The following DIP2B variants were observed in gnomAD, a reference collection of about 807,000 sequenced individuals.
DIP2B encodes DIP2 acetate--CoA ligase B (putative).
DIP2B carries 76 observed loss-of-function variants against 198.0 expected under a neutral mutation model. The observed-to-expected ratio is 0.38, with a 90% CI of 0.32 to 0.46. The LOEUF (loss-of-function observed/expected upper bound fraction) is 0.46. DIP2B is among the 20% of genes least tolerant of loss of function. The probability of loss-of-function intolerance (pLI) is 0.99; values close to 1 mark genes in which losing one functional copy is unlikely to be tolerated. For synonymous variants in DIP2B, 701 were observed against 739.1 expected (o/e 0.95, Z 0.84); for missense variants, 1,559 against 1,978.4 (o/e 0.79, Z 4.02).
rs1194962589 is a variant in DIP2B, at chr12:50,505,010, CGGCGGCGGCGGCGGT to C, written c.-129_-115del. 1.1e-6 allele frequency: 1 copy of C among 897,842 alleles called. No individual in the cohort carries two copies. The highest frequency in any genetic ancestry group is 1.7e-6 in the Non-Finnish European group (1 of 600,238). The allele number at this position is 897,842 out of a possible 1,614,324, so 55.6% of individuals were successfully genotyped here. Reference sequence around the variant, plus strand: ...ACGTGACCTTTGCTCATGGCGGCGGCGGCGGCGGCGGCGGTGCTGGTGGTGCTCGGCGGCCGGAGC... The same window carrying C: ...ACGTGACCTTTGCTCATGGCGGCGGCGCTGGTGGTGCTCGGCGGCCGGAGC... On this transcript the variant is annotated 5_prime_UTR_variant, in exon 1 of 38. Transcript: ENST00000301180.
In DIP2B at chr12:50,602,398, A is replaced by G. The variant is rs12297393; in HGVS notation, c.101-23578A>G. ...ATCCTCCCACCTCAGCCTCCCTAGTAGCTGGGAATACAGGCACACACCACT... is the reference window on the plus strand; with the variant it reads ...ATCCTCCCACCTCAGCCTCCCTAGTGGCTGGGAATACAGGCACACACCACT... On this transcript the variant is annotated intron_variant, in intron 1 of 37. Transcript: ENST00000301180. Among the ~76,000 whole-genome samples, 276 of 152,170 alleles carry G rather than the reference A, an allele frequency of 1.8e-3. 2 individuals are homozygous for G. Among genetic ancestry groups the G allele is most frequent in the African/African-American group, 6.1e-3 (255 of 41,532 alleles).
chr12:50,647,029 G>C (rs1938361963), intron 3 of DIP2B, among the ~76,000 whole-genome samples: 1 of 131,540 alleles, frequency 7.6e-6, no homozygotes, highest in Non-Finnish European at 1.6e-5. Context: ...TTTTTCTTCT[G>C]TTTTTCTTGT....
At chr12:50,682,114 G>A (rs951475745) in intron 9 of DIP2B, among the ~76,000 whole-genome samples, 2 of 152,328 alleles carry the variant, frequency 1.3e-5, no homozygotes, top group Non-Finnish European at 2.9e-5. Flanking sequence ...CATTCCTTGA[G>A]TGAATTAGGA....
intron 1 of DIP2B, among the ~76,000 whole-genome samples, chr12:50,619,613 C>G (rs2139461348): frequency 6.6e-6 from 1 of 152,320 alleles, no homozygotes; most frequent in African/African-American, 2.4e-5. Context: ...GCCTGTGCCT[C>G]TTCTCTGCGA....
chr12:50,546,115 C>G (rs777285027), intron 1 of DIP2B, among the ~76,000 whole-genome samples: 11 of 152,220 alleles, frequency 7.2e-5, no homozygotes, highest in Non-Finnish European at 1.2e-4. Flanking sequence ...TCCCTGCCAA[C>G]CAGATGTACT....
At chr12:50,691,947 C>T (rs1369899148) in intron 13 of DIP2B, among the ~76,000 whole-genome samples, 6 of 152,032 alleles carry the variant, frequency 3.9e-5, no homozygotes, top group Non-Finnish European at 8.8e-5. Flanking sequence ...TGCTTGTACT[C>T]CCAGCTACTT....
chr12:50,590,609 C>G (rs1240066838), intron 1 of DIP2B, among the ~76,000 whole-genome samples: 1 of 152,112 alleles, frequency 6.6e-6, no homozygotes, highest in Admixed American at 6.6e-5. Context: ...ACCTTGTGAT[C>G]TACCCACCTC....
intron 6 of DIP2B, 65 bp downstream of exon 6, chr12:50,674,694 A>T: frequency 6.3e-7 from 1 of 1,590,092 alleles, no homozygotes; most frequent in Admixed American, 1.7e-5. Flanking sequence ...CAAATTATGA[A>T]TGATAGCTCC....
chr12:50,646,107 ATTGT>A (rs1339863450), intron 3 of DIP2B, among the ~76,000 whole-genome samples: 1 of 151,928 alleles, frequency 6.6e-6, no homozygotes, highest in Non-Finnish European at 1.5e-5. Context: ...GGTCTTAATT[ATTGT>A]TTATTTATTT....
chr12:50,591,196 C>G (rs902157283), intron 1 of DIP2B, among the ~76,000 whole-genome samples: 1 of 152,168 alleles, frequency 6.6e-6, no homozygotes, highest in Non-Finnish European at 1.5e-5. Context: ...ACAAAATAGG[C>G]TAAGACAGTT....
intron 36 of DIP2B, among the ~76,000 whole-genome samples, 192 bp from the exon 37 acceptor site, chr12:50,741,224 A>T (rs1940236085): frequency 6.6e-6 from 1 of 152,218 alleles, no homozygotes; most frequent in East Asian, 1.9e-4. Flanking sequence ...TCCTCACAGC[A>T]GCCATTGATT....
intron 2 of DIP2B, among the ~76,000 whole-genome samples, chr12:50,628,461 G>T (rs1019403300): frequency 1.3e-5 from 2 of 152,186 alleles, no homozygotes; most frequent in African/African-American, 4.8e-5. Context: ...GTATCACTGT[G>T]TGCAGCAATT....
intron 1 of DIP2B, among the ~76,000 whole-genome samples, chr12:50,558,400 G>A (rs1272121677): frequency 1.3e-5 from 2 of 152,178 alleles, no homozygotes; most frequent in Non-Finnish European, 2.9e-5. Flanking sequence ...CCTGCCAGGG[G>A]TAATAATTGA....
intron 13 of DIP2B, among the ~76,000 whole-genome samples, chr12:50,692,075 A>T (rs572321691): frequency 2.4e-4 from 37 of 152,108 alleles, no homozygotes; most frequent in African/African-American, 8.7e-4. Flanking sequence ...AAAAAAATAT[A>T]TATATATATA....
intron 1 of DIP2B, among the ~76,000 whole-genome samples, chr12:50,563,615 C>A (rs959900444): frequency 2.6e-5 from 4 of 151,414 alleles, no homozygotes; most frequent in African/African-American, 9.7e-5. Flanking sequence ...CTTGCCTAAG[C>A]CTCCCAAGTA....
chr12:50,637,924 T>C (rs949903167), intron 2 of DIP2B, among the ~76,000 whole-genome samples: 4 of 152,220 alleles, frequency 2.6e-5, no homozygotes, highest in African/African-American at 9.6e-5. Flanking sequence ...TAGAAACATA[T>C]TAGACTCTGA....
chr12:50,550,699 C>T (rs564232987), intron 1 of DIP2B, among the ~76,000 whole-genome samples: 5 of 152,168 alleles, frequency 3.3e-5, no homozygotes, highest in Non-Finnish European at 7.3e-5. Context: ...AGAGGCAGCC[C>T]GCTTCTCTGC....
chr12:50,578,656 C>T (rs1163404712), intron 1 of DIP2B, among the ~76,000 whole-genome samples: 4 of 151,740 alleles, frequency 2.6e-5, no homozygotes, highest in Non-Finnish European at 5.9e-5. Flanking sequence ...TACAGGCGCC[C>T]GCCATCACAC....
chr12:50,539,485 G>A (rs868082873), intron 1 of DIP2B, among the ~76,000 whole-genome samples: 1 of 151,940 alleles, frequency 6.6e-6, no homozygotes, highest in Admixed American at 6.6e-5. Context: ...GAGCGTAGTG[G>A]CAGGCGCCTG....
Sources: gnomAD v4.1 joint callset for allele counts (sites outside exome capture counted in the v4.1 genomes callset) on GRCh38, gnomAD v4.1.1 for gene constraint, MANE v1.5 for transcripts, NCBI Gene and HGNC (gene_info 2026-07-23, HGNC 2026-07-21) for gene names.